Variants in ARMC12 observed in about 807,000 individuals in gnomAD.
ARMC12 encodes the protein armadillo repeat containing 12.
In ARMC12, 25 loss-of-function variants were observed where a neutral mutation model predicts 37.4. That is an observed-to-expected ratio of 0.67 (90% CI 0.49 to 0.93). ARMC12 has a LOEUF of 0.93. Ranked by LOEUF, ARMC12 falls within the 40% of genes least tolerant of loss-of-function variation. ARMC12 has a pLI of 0.00. For missense variants in ARMC12, 384 were observed against 426.6 expected, an observed-to-expected ratio of 0.90 and a Z score of 0.88; for synonymous variants, 167 against 176.1, an observed-to-expected ratio of 0.95 and a Z score of 0.41.
At chr6:35,738,621 G>T (rs1767070537) in intron 3 of ARMC12, 103 bp downstream of exon 3, 1 of 1,459,992 alleles carries the variant, frequency 6.8e-7, no homozygotes, top group African/African-American at 1.4e-5. Context: ...TTGTTTGGGT[G>T]TGAATTTGTA....
Position 35,747,437 on chromosome 6 carries a change from G to A in ARMC12, c.618+3G>A. The A allele has an allele frequency of 1.9e-6, 3 of 1,614,174 alleles. No individual in the cohort carries two copies. Among genetic ancestry groups the A allele is most frequent in the Non-Finnish European group, 1.7e-6 (2 of 1,180,030 alleles). On this transcript the variant is annotated splice_donor_region_variant and intron_variant, in intron 4 of 5. Coordinates refer to ENST00000373866, the MANE Select transcript of ARMC12 (RefSeq NM_001286574.2). ...AGTCAGACTACATCCTGGCACAGGT[G>A]CCTGAGGACCATGGCCAAGGCCCTG...
At chr6:35,732,287 C>T (rs370916480), upstream of ARMC12, among the ~76,000 whole-genome samples, 19 of 152,296 alleles carry the variant, frequency 1.2e-4, no homozygotes, top group East Asian at 3.5e-3. Flanking sequence ...GCAGGGGCGG[C>T]CCCCAGCCTT....
intron 3 of ARMC12, among the ~76,000 whole-genome samples, chr6:35,746,062 TA>T (rs1767328144): frequency 7.5e-6 from 1 of 133,088 alleles, no homozygotes; most frequent in African/African-American, 3.2e-5. Context: ...TAAAATAAAA[TA>T]AAATTAAATT....
chr6:35,738,669 A>G, intron 3 of ARMC12, 151 bp downstream of exon 3: 1 of 1,124,448 alleles, frequency 8.9e-7, no homozygotes, highest in Non-Finnish European at 1.2e-6. Flanking sequence ...TCAGATTCCC[A>G]GCAGGGTCAT....
intron 3 of ARMC12, among the ~76,000 whole-genome samples, chr6:35,740,025 A>G (rs938442524): frequency 6.6e-6 from 1 of 152,192 alleles, no homozygotes; most frequent in Admixed American, 6.5e-5. Context: ...TGTGACCAAA[A>G]AGGGTTGGTT....
Position 35,738,033 on chromosome 6 carries a change from C to T in ARMC12, c.170C>T (p.Ala57Val), listed in dbSNP as rs768034734. Residue 57 changes from alanine to valine, a missense_variant, in exon 2 of 6, where the codon GCA becomes GTA. Coordinates refer to ENST00000373866, the MANE Select transcript of ARMC12 (RefSeq NM_001286574.2). ...GGCTGGGGTGGCTGTCTAGGCCTGG[C>T]AGTCGAGCGAGAGCGGCACGGGCGG... ...SNSPICIARL[A>V]VERERHGRDS... The T allele has an allele frequency of 5.6e-6, 9 of 1,613,036 alleles. No individual in the cohort carries two copies. The highest frequency in any genetic ancestry group is 7.6e-6 in the Non-Finnish European group (9 of 1,180,030).
chr6:35,738,283 C>CGGT (rs1554141427), intron 2 of ARMC12, 101 bp from the exon 3 acceptor site: 2 of 572,478 alleles, frequency 3.5e-6, no homozygotes, highest in Non-Finnish European at 2.4e-6. Context: ...TGGCTGATAG[C>CGGT]GGTGGGGGGG....
At chr6:35,734,021 C>T (rs547038031), upstream of ARMC12, 9 of 152,274 alleles carry the variant, frequency 5.9e-5, no homozygotes, top group African/African-American at 1.9e-4. Flanking sequence ...CCAGTGGTTC[C>T]AGATTTCTGG....
intron 3 of ARMC12, among the ~76,000 whole-genome samples, chr6:35,738,927 T>C (rs1008798703): frequency 3.9e-5 from 6 of 152,200 alleles, no homozygotes; most frequent in Non-Finnish European, 7.3e-5. Flanking sequence ...GTACCAATCA[T>C]AGGTCTGACT....
At chr6:35,740,463 A>G (rs1483977537) in intron 3 of ARMC12, among the ~76,000 whole-genome samples, 1 of 151,992 alleles carries the variant, frequency 6.6e-6, no homozygotes, top group Non-Finnish European at 1.5e-5. Context: ...AAAACCAAAA[A>G]AGCCTCTCCC....
chr6:35,732,761 G>A (rs1766865623), upstream of ARMC12, among the ~76,000 whole-genome samples: 3 of 152,196 alleles, frequency 2.0e-5, no homozygotes, highest in African/African-American at 7.2e-5. Flanking sequence ...CACAGTTTAG[G>A]GGAATGTGTT....
At chr6:35,740,544 C>T (rs575841914) in intron 3 of ARMC12, among the ~76,000 whole-genome samples, 35 of 152,258 alleles carry the variant, frequency 2.3e-4, no homozygotes, top group African/African-American at 8.4e-4. Context: ...ATATGTAAAA[C>T]TTGCAAATAT....
intron 5 of ARMC12, among the ~76,000 whole-genome samples, chr6:35,748,192 C>T (rs1175809130): frequency 6.6e-6 from 1 of 152,094 alleles, no homozygotes; most frequent in Non-Finnish European, 1.5e-5. Flanking sequence ...TAGTGAATAA[C>T]ACAAATAAGC....
upstream of ARMC12, among the ~76,000 whole-genome samples, chr6:35,736,463 C>T (rs778409609): frequency 1.3e-5 from 2 of 152,234 alleles, no homozygotes; most frequent in Non-Finnish European, 2.9e-5. Context: ...TGGACCTCTG[C>T]TGCCCTCTAA....
At chr6:35,745,993 C>T (rs527837396) in intron 3 of ARMC12, among the ~76,000 whole-genome samples, 3 of 152,106 alleles carry the variant, frequency 2.0e-5, no homozygotes, top group South Asian at 2.1e-4. Context: ...TTGCAGTGAC[C>T]CAAGATCTCA....
At chr6:35,732,928 CTT>C (rs1766869328), upstream of ARMC12, among the ~76,000 whole-genome samples, 1 of 152,220 alleles carries the variant, frequency 6.6e-6, no homozygotes, top group South Asian at 2.1e-4. Flanking sequence ...AATCCCAGCA[CTT>C]TGAGAGGCCG....
chr6:35,745,710 C>T (rs1075091), intron 3 of ARMC12, among the ~76,000 whole-genome samples: 1 of 152,094 alleles, frequency 6.6e-6, no homozygotes, highest in Non-Finnish European at 1.5e-5. Flanking sequence ...CACATGGGAC[C>T]TCGCTGTACT....
At chr6:35,741,700 A>G (rs1767173955) in intron 3 of ARMC12, among the ~76,000 whole-genome samples, 1 of 152,058 alleles carries the variant, frequency 6.6e-6, no homozygotes, top group Non-Finnish European at 1.5e-5. Context: ...GATTACAGAC[A>G]TGAGCCACCA....
chr6:35,740,264 T>A (rs1162518289), intron 3 of ARMC12, among the ~76,000 whole-genome samples: 1 of 152,024 alleles, frequency 6.6e-6, no homozygotes, highest in Non-Finnish European at 1.5e-5. Flanking sequence ...ACCCCCAAAC[T>A]TACAGTATCC....
Sources: allele counts gnomAD v4.1 joint callset (sites outside exome capture counted in the v4.1 genomes callset), GRCh38; gene constraint gnomAD v4.1.1; transcripts MANE v1.5; gene names NCBI Gene and HGNC (gene_info 2026-07-23, HGNC 2026-07-21).